The following GRM7 variants were observed in gnomAD, a reference collection of about 807,000 sequenced individuals.
GRM7 encodes the protein glutamate metabotropic receptor 7.
GRM7 carries 35 observed loss-of-function variants against 84.5 expected under a neutral mutation model. The ratio of observed to expected loss-of-function variants is 0.41; its 90% CI spans 0.32 to 0.55. The LOEUF (loss-of-function observed/expected upper bound fraction) is 0.55. Ranked by LOEUF, GRM7 falls within the 20% of genes least tolerant of loss-of-function variation. The pLI is 0.19. For missense variants in GRM7, 1,003 were observed against 1,194.6 expected, an observed-to-expected ratio of 0.84 and a Z score of 2.36; for synonymous variants, 487 against 455.1, an observed-to-expected ratio of 1.07 and a Z score of -0.89.
chr3:7,551,056 T>C (rs959000988), intron 7 of GRM7, among the ~76,000 whole-genome samples: 1 of 152,178 alleles, frequency 6.6e-6, no homozygotes, highest in Admixed American at 6.5e-5. Flanking sequence ...TTATAAAATA[T>C]GAAAAATACT....
At chr3:7,720,937 G>A (rs560224834) in intron 9 of GRM7, among the ~76,000 whole-genome samples, 1 of 152,238 alleles carries the variant, frequency 6.6e-6, no homozygotes, top group Non-Finnish European at 1.5e-5. Context: ...ACCTCTCTTA[G>A]CCTCAGATCT....
intron 7 of GRM7, among the ~76,000 whole-genome samples, chr3:7,541,260 C>T (rs1210604109): frequency 6.6e-6 from 1 of 151,798 alleles, no homozygotes; most frequent in Non-Finnish European, 1.5e-5. Flanking sequence ...AGTCAAATAC[C>T]AGAAATTACA....
Position 7,492,927 on chromosome 3 carries a change from T to C in GRM7, c.1515+31205T>C, listed in dbSNP as rs577726174. On this transcript the variant is annotated intron_variant, in intron 7 of 9. Coordinates refer to ENST00000357716, the MANE Select transcript of GRM7 (RefSeq NM_000844.4). ...ATATTTTTTTTCCTTGAGAATCTTC[T>C]TTAATTCATTAATTATTTACAAGTG... 2.3e-4 allele frequency among the ~76,000 whole-genome samples: 35 copies of C among 151,860 alleles called. No homozygotes were observed. The South Asian group carries it at 6.8e-3, about 30-fold the overall frequency.
At chr3:7,488,440 T>A (rs1191987984) in intron 7 of GRM7, among the ~76,000 whole-genome samples, 1 of 152,006 alleles carries the variant, frequency 6.6e-6, no homozygotes, top group Non-Finnish European at 1.5e-5. Context: ...GACGTTTGAG[T>A]CATGAGGGAT....
chr3:7,056,868 A>G (rs1697244197), intron 1 of GRM7, among the ~76,000 whole-genome samples: 1 of 151,996 alleles, frequency 6.6e-6, no homozygotes, highest in African/African-American at 2.4e-5. Flanking sequence ...TAATATTAAT[A>G]TTATAACTTA....
chr3:7,206,787 G>A (rs964771442), intron 2 of GRM7, among the ~76,000 whole-genome samples: 3 of 152,160 alleles, frequency 2.0e-5, no homozygotes, highest in Non-Finnish European at 2.9e-5. Flanking sequence ...GTGATGTAAA[G>A]GAAATGTGAA....
intron 8 of GRM7, among the ~76,000 whole-genome samples, chr3:7,668,145 T>G (rs1699774813): frequency 6.6e-6 from 1 of 152,100 alleles, no homozygotes; most frequent in Non-Finnish European, 1.5e-5. Flanking sequence ...GACAGCAGAG[T>G]CCACTCCTCC....
In GRM7 at chr3:7,505,737, A is replaced by C. The variant is rs145479616; in HGVS notation, c.1515+44015A>C. ...GAGAGGCCACCATGTGCTGGAATGC[A>C]GAGAGCAGAGACCTGAGGTGGCCCT... On this transcript the variant is annotated intron_variant, in intron 7 of 9. Transcript: ENST00000357716. 1.9e-3 allele frequency among the ~76,000 whole-genome samples: 287 copies of C among 152,320 alleles called. 3 individuals are homozygous for C. The highest frequency in any genetic ancestry group is 0.017 in the Middle Eastern group (5 of 294).
intron 1 of GRM7, among the ~76,000 whole-genome samples, chr3:6,942,479 A>G (rs1008387946): frequency 4.6e-5 from 7 of 152,142 alleles, no homozygotes; most frequent in Non-Finnish European, 8.8e-5. Flanking sequence ...TGTTATTGAA[A>G]AGAGCTCACA....
Position 7,713,137 on chromosome 3 carries a change from T to C in GRM7, c.2699-27220T>C, listed in dbSNP as rs533858970. Among the ~76,000 whole-genome samples, 5 of 136,920 alleles carry C rather than the reference T, an allele frequency of 3.7e-5. 1 individual carries two copies. The Admixed American group carries it at 3.7e-4, about 10-fold the overall frequency. The allele number at this position is 136,920 out of a possible 152,430, so 89.8% of individuals were successfully genotyped here. A position where few individuals can be genotyped will look rare whatever the true frequency, so the allele number is the denominator to read the frequency against. On this transcript the variant is annotated intron_variant, in intron 9 of 9. Coordinates refer to ENST00000357716, the MANE Select transcript of GRM7 (RefSeq NM_000844.4). ...GAATTTTGTTTTGTTTTTTTTTTTT[T>C]TTTTTTTTTTTTTTTGAGACAATCT...
intron 2 of GRM7, among the ~76,000 whole-genome samples, chr3:7,222,757 T>C (rs1341594573): frequency 1.3e-5 from 2 of 152,248 alleles, no homozygotes; most frequent in South Asian, 2.1e-4. Flanking sequence ...TCAGTTTCCC[T>C]TATACACAAT....
chr3:7,287,073 A>C (rs952508695), intron 2 of GRM7, among the ~76,000 whole-genome samples: 16 of 152,094 alleles, frequency 1.1e-4, no homozygotes, highest in African/African-American at 3.6e-4. Context: ...TTCCACCCCC[A>C]AAAACTGGCA....
At chr3:7,046,453 TG>T (rs1268132384) in intron 1 of GRM7, among the ~76,000 whole-genome samples, 1 of 152,146 alleles carries the variant, frequency 6.6e-6, no homozygotes, top group Non-Finnish European at 1.5e-5. Flanking sequence ...GCACTTTGCT[TG>T]CAATTGAATG....
At chr3:7,551,079 C>G (rs1489159377) in intron 7 of GRM7, among the ~76,000 whole-genome samples, 1 of 152,084 alleles carries the variant, frequency 6.6e-6, no homozygotes, top group Non-Finnish European at 1.5e-5. Context: ...ATCAATTTTT[C>G]AAATTTCTGC....
chr3:7,707,905 A>G (rs1280968997), intron 9 of GRM7, among the ~76,000 whole-genome samples: 1 of 150,998 alleles, frequency 6.6e-6, no homozygotes, highest in African/African-American at 2.4e-5. Flanking sequence ...GTACCACAAT[A>G]GAACATATTG....
intron 1 of GRM7, among the ~76,000 whole-genome samples, chr3:7,017,621 C>T (rs1322093019): frequency 6.6e-6 from 1 of 152,128 alleles, no homozygotes; most frequent in South Asian, 2.1e-4. Context: ...TGATTCTCCA[C>T]CTGCTGTACA....
In GRM7 at chr3:7,528,532, C is replaced by A. The variant is rs182582661; in HGVS notation, c.1516-49890C>A. On this transcript the variant is annotated intron_variant, in intron 7 of 9. Coordinates refer to ENST00000357716, the MANE Select transcript of GRM7 (RefSeq NM_000844.4). The stretch of plus-strand genomic sequence containing the variant: ...CTCAGTTTTATTTAATTCTGCTCTG[C>A]TTTTAGTTATTTTTTTTCTTCTGCT... 5.8e-3 allele frequency among the ~76,000 whole-genome samples: 875 copies of A among 151,952 alleles called. 2 individuals are homozygous for A. The highest frequency in any genetic ancestry group is 0.02 in the African/African-American group (827 of 41,508).
chr3:7,195,153 T>G (rs576057000), intron 2 of GRM7, among the ~76,000 whole-genome samples: 1 of 152,186 alleles, frequency 6.6e-6, no homozygotes, highest in African/African-American at 2.4e-5. Context: ...ACCCCAATAT[T>G]GTTCATGCTA....
rs73126267 is a variant in GRM7 at position 7,208,753 on chromosome 3, A to T, written c.736+62085A>T. 9.1e-3 allele frequency among the ~76,000 whole-genome samples: 1,385 copies of T among 152,322 alleles called. 17 individuals carry two copies. The highest frequency in any genetic ancestry group is 0.032 in the African/African-American group (1,319 of 41,556). On this transcript the variant is annotated intron_variant, in intron 2 of 9. Coordinates refer to ENST00000357716, the MANE Select transcript of GRM7 (RefSeq NM_000844.4). ...TTTAACCAAATCGTGGTATTACTCCATACTGCTCTGCAATTTGCCTTTTCT... is the reference window on the plus strand; with the variant it reads ...TTTAACCAAATCGTGGTATTACTCCTTACTGCTCTGCAATTTGCCTTTTCT...
Sources: allele counts gnomAD v4.1 joint callset (sites outside exome capture counted in the v4.1 genomes callset), GRCh38; gene constraint gnomAD v4.1.1; transcripts MANE v1.5; gene names NCBI Gene and HGNC (gene_info 2026-07-23, HGNC 2026-07-21).